Variants in RAPGEF4 observed in about 807,000 individuals in gnomAD.
The protein encoded by RAPGEF4 is RAP guanine-nucleotide-exchange factor (GEF) 4.
Under a neutral mutation model 147.9 loss-of-function variants are expected in RAPGEF4, and 66 were observed. The observed-to-expected ratio is 0.45, with a 90% CI of 0.37 to 0.55. The LOEUF is 0.55. Ranked by LOEUF, RAPGEF4 falls within the 20% of genes least tolerant of loss-of-function variation. The pLI, the probability that RAPGEF4 is intolerant of heterozygous loss-of-function variation, is 0.00. For synonymous variants in RAPGEF4, 419 were observed against 442.7 expected, an observed-to-expected ratio of 0.95 and a Z score of 0.67; for missense variants, 1,071 against 1,257.3, an observed-to-expected ratio of 0.85 and a Z score of 2.24.
At chr2:172,921,252 A>G (rs1390939690) in intron 5 of RAPGEF4, among the ~76,000 whole-genome samples, 3 of 151,890 alleles carry the variant, frequency 2.0e-5, no homozygotes, top group Admixed American at 1.3e-4. Context: ...ATGCACCACC[A>G]TGCCCAGCTA....
chr2:172,757,817 A>G (rs1695919867), intron 1 of RAPGEF4, among the ~76,000 whole-genome samples: 1 of 152,228 alleles, frequency 6.6e-6, no homozygotes, highest in Non-Finnish European at 1.5e-5. Flanking sequence ...GCATTACTGT[A>G]ATGAGATTAA....
intron 16 of RAPGEF4, among the ~76,000 whole-genome samples, chr2:172,997,534 A>G (rs1411424361): frequency 2.0e-5 from 3 of 152,226 alleles, no homozygotes; most frequent in Non-Finnish European, 4.4e-5. Context: ...CAGAAATTCT[A>G]GGGTGAATAA....
intron 6 of RAPGEF4, among the ~76,000 whole-genome samples, chr2:172,923,173 A>T (rs1000847587): frequency 1.3e-5 from 2 of 152,144 alleles, no homozygotes; most frequent in Admixed American, 6.5e-5. Context: ...GGCTTGCTTT[A>T]GCTCTTCCTC....
chr2:172,952,476 G>A (rs1688303406), intron 6 of RAPGEF4, among the ~76,000 whole-genome samples: 1 of 152,184 alleles, frequency 6.6e-6, no homozygotes, highest in African/African-American at 2.4e-5. Flanking sequence ...ACAGTTGTAA[G>A]GGGAGACACA....
At position 173,021,519 on chromosome 2, in the gene RAPGEF4, C is replaced by T. The variant is rs567115863; in HGVS notation, c.2253+804C>T. ...AGGAGAATGGCGTGAACCCGGGAGGCGGAGCTTGCAGTGAGCCAAGATGGC... is the reference window on the plus strand; with the variant it reads ...AGGAGAATGGCGTGAACCCGGGAGGTGGAGCTTGCAGTGAGCCAAGATGGC... On this transcript the variant is annotated intron_variant, in intron 23 of 30. Transcript: ENST00000397081. Among the ~76,000 whole-genome samples, 41 of 152,198 alleles carry T rather than the reference C, an allele frequency of 2.7e-4. No homozygotes were observed. In the South Asian group the frequency reaches 8.1e-3, roughly 30 times the overall value.
intron 4 of RAPGEF4, among the ~76,000 whole-genome samples, chr2:172,817,940 T>G (rs111868800): frequency 1.4e-5 from 2 of 147,242 alleles, no homozygotes; most frequent in Non-Finnish European, 3.0e-5. Flanking sequence ...CAATTATATA[T>G]ATAATGTATA....
At chr2:172,878,030 G>A (rs1228298503) in intron 4 of RAPGEF4, among the ~76,000 whole-genome samples, 2 of 152,198 alleles carry the variant, frequency 1.3e-5, no homozygotes, top group Admixed American at 6.5e-5. Flanking sequence ...CTAATTTGCT[G>A]TGGGAGGCAG....
At chr2:172,988,136 G>A in intron 12 of RAPGEF4, 60 bp from the exon 13 acceptor site, 24 of 1,528,334 alleles carry the variant, frequency 1.6e-5, no homozygotes, top group Non-Finnish European at 2.1e-5. Context: ...TTGATAAGCT[G>A]TAATTTATAT....
chr2:172,751,992 G>GT (rs1326669080), intron 1 of RAPGEF4, among the ~76,000 whole-genome samples: 6 of 10,786 alleles, frequency 5.6e-4, no homozygotes, highest in African/African-American at 6.6e-4. Context: ...TTTCACTTTA[G>GT]TTTTTTCTGA....
chr2:173,019,465 A>G (rs1246914785), intron 22 of RAPGEF4, among the ~76,000 whole-genome samples: 2 of 152,208 alleles, frequency 1.3e-5, no homozygotes, highest in Non-Finnish European at 2.9e-5. Flanking sequence ...AGTTAAAACA[A>G]TTACAGTTCA....
rs1687447154 is a variant in RAPGEF4, at chr2:172,805,900, T to C, written c.297+8287T>C. Among the ~76,000 whole-genome samples, 3 of 152,322 alleles carry C rather than the reference T, an allele frequency of 2.0e-5. No individual in the cohort carries two copies. The South Asian group carries it at 6.2e-4, about 32-fold the overall frequency. ...CTATGGGTGTATTTTTTCTCAGTAA[T>C]ATTTTAATCGATTTAGGGTTAGAGA... On this transcript the variant is annotated intron_variant, in intron 3 of 30. Coordinates refer to ENST00000397081, the MANE Select transcript of RAPGEF4 (RefSeq NM_007023.4).
rs77542833 is a variant in RAPGEF4, at chr2:172,781,686, G to A, written c.66-13339G>A. Among the ~76,000 whole-genome samples, 1,438 of 152,200 alleles carry A rather than the reference G, an allele frequency of 9.4e-3. 24 individuals are homozygous for A. The highest frequency in any genetic ancestry group is 0.031 in the African/African-American group (1,289 of 41,508). Reference sequence around the variant, plus strand: ...CGCTTGGATACCAAAATCTGCAGACGCTCGAGACCCTGATATAAAATGGTG... The same window carrying A: ...CGCTTGGATACCAAAATCTGCAGACACTCGAGACCCTGATATAAAATGGTG... On this transcript the variant is annotated intron_variant, in intron 1 of 30. Transcript: ENST00000397081.
At chr2:173,011,993 G>A (rs549839966) in intron 17 of RAPGEF4, among the ~76,000 whole-genome samples, 1 of 152,276 alleles carries the variant, frequency 6.6e-6, no homozygotes, top group East Asian at 1.9e-4. Context: ...CCATCTTTGA[G>A]TGATTCAAAA....
At chr2:172,844,895 C>T (rs974183977) in intron 4 of RAPGEF4, among the ~76,000 whole-genome samples, 2 of 152,170 alleles carry the variant, frequency 1.3e-5, no homozygotes, top group Non-Finnish European at 2.9e-5. Flanking sequence ...TTTCAACGTA[C>T]AACATTGAGC....
At chr2:172,989,032 T>G (rs1692561989) in intron 14 of RAPGEF4, among the ~76,000 whole-genome samples, 193 bp downstream of exon 14, 1 of 152,224 alleles carries the variant, frequency 6.6e-6, no homozygotes, top group East Asian at 1.9e-4. Context: ...TGTATTCCAG[T>G]AAAGCTGCAA....
chr2:172,759,717 G>C (rs1032141715), intron 1 of RAPGEF4, among the ~76,000 whole-genome samples: 1 of 152,130 alleles, frequency 6.6e-6, no homozygotes, highest in African/African-American at 2.4e-5. Context: ...ACTTGCTTTT[G>C]GTACATATGG....
intron 4 of RAPGEF4, among the ~76,000 whole-genome samples, chr2:172,847,824 A>G (rs995545589): frequency 2.6e-5 from 4 of 152,130 alleles, no homozygotes; most frequent in African/African-American, 9.7e-5. Flanking sequence ...CTTTAATAGG[A>G]CCATGTGTTA....
intron 2 of RAPGEF4, among the ~76,000 whole-genome samples, chr2:172,796,843 T>C (rs1018848143): frequency 6.6e-6 from 1 of 152,232 alleles, no homozygotes; most frequent in Non-Finnish European, 1.5e-5. Flanking sequence ...CTCCATCTAG[T>C]TATTTAGTTA....
At chr2:172,978,071 G>GA (rs1199577988) in intron 10 of RAPGEF4, among the ~76,000 whole-genome samples, 1 of 152,182 alleles carries the variant, frequency 6.6e-6, no homozygotes, top group Non-Finnish European at 1.5e-5. Flanking sequence ...AGCTGTTGTG[G>GA]ACCTCTCTGA....
Sources: gnomAD v4.1 joint callset for allele counts (sites outside exome capture counted in the v4.1 genomes callset) on GRCh38, gnomAD v4.1.1 for gene constraint, MANE v1.5 for transcripts, NCBI Gene and HGNC (gene_info 2026-07-23, HGNC 2026-07-21) for gene names.